Variants in BBS4 observed in about 807,000 individuals in gnomAD.
BBS4 encodes the protein BBSome complex member BBS4.
In BBS4, 58 loss-of-function variants were observed where a neutral mutation model predicts 71.4. The observed-to-expected ratio is 0.81, with a 90% CI of 0.66 to 1.01. BBS4 has a LOEUF of 1.01. Among genes scored for constraint, BBS4 ranks in the 50% least tolerant of loss-of-function variants. BBS4 has a pLI of 0.00. For synonymous variants in BBS4, 228 were observed against 216.8 expected (o/e 1.05, Z -0.46); for missense variants, 660 against 607.9 (o/e 1.09, Z -0.90).
intron 9 of BBS4, among the ~76,000 whole-genome samples, chr15:72,728,296 G>A (rs563199279): frequency 1.3e-5 from 2 of 152,174 alleles, no homozygotes; most frequent in East Asian, 3.9e-4. Flanking sequence ...TCAGGAGTTG[G>A]AGACCAGCCT....
chr15:72,715,485 A>G, intron 5 of BBS4, 83 bp downstream of exon 5: 1 of 929,370 alleles, frequency 1.1e-6, no homozygotes, highest in East Asian at 2.4e-5. Flanking sequence ...TGCTGCTGGC[A>G]GCTGCATCAG....
chr15:72,699,204 A>G (rs1265694826), intron 2 of BBS4, among the ~76,000 whole-genome samples: 2 of 151,180 alleles, frequency 1.3e-5, no homozygotes, highest in East Asian at 3.9e-4. Context: ...CTCTTGCCTC[A>G]GCTTCCCGTG....
chr15:72,712,200 A>G lies in BBS4; in HGVS notation c.157-44A>G, dbSNP rs140002975. 87 of 1,584,400 alleles carry G rather than the reference A, an allele frequency of 5.5e-5. 1 individual carries two copies. In the African/African-American group the frequency reaches 1.2e-3, roughly 21 times the overall value. The stretch of plus-strand genomic sequence containing the variant: ...TCCACTTTTTCTTAAAGACACCTGA[A>G]GAAACTTAACCACTGCTCAGAAGCA... On this transcript the variant is annotated intron_variant, in intron 3 of 15. Coordinates refer to ENST00000268057, the MANE Select transcript of BBS4 (RefSeq NM_033028.5).
At chr15:72,730,080 T>C (rs2065782166) in intron 10 of BBS4, among the ~76,000 whole-genome samples, 1 of 150,788 alleles carries the variant, frequency 6.6e-6, no homozygotes, top group South Asian at 2.1e-4. Flanking sequence ...ATCGAGACCA[T>C]CCTGGCTAAC....
At position 72,714,660 on chromosome 15, in the gene BBS4, A is replaced by G. The variant is rs185935333; in HGVS notation, c.221-631A>G. Among the ~76,000 whole-genome samples, 445 of 152,368 alleles carry G rather than the reference A, an allele frequency of 2.9e-3. 2 individuals carry two copies. Among genetic ancestry groups the G allele is most frequent in the Non-Finnish European group, 4.7e-3 (318 of 68,044 alleles). On this transcript the variant is annotated intron_variant, in intron 4 of 15. Transcript: ENST00000268057. ...GCATTTGTAGTCTTCAGATTAACAT[A>G]TAATTTTCTGACATAATTGTTAAGA...
rs368251961 is a variant in BBS4 at position 72,724,602 on chromosome 15, C to T, written c.534C>T (p.His178=). ...CTTATATAATGCTGGGGAAGATCCA[C>T]TTGCTGGAGGGAGACTTGGACAAGG... ...DLTYIMLGKI[H]LLEGDLDKAI... is the part of the protein sequence containing the mutation. Residue 178 remains histidine, a synonymous_variant, in exon 8 of 16, where the codon CAC becomes CAT. Transcript: ENST00000268057. The T allele has an allele frequency of 1.2e-6, 2 of 1,614,082 alleles. No homozygotes were observed. The highest frequency in any genetic ancestry group is 1.7e-6 in the Non-Finnish European group (2 of 1,179,980).
chr15:72,737,842 G>A lies in BBS4; in HGVS notation c.*255G>A, dbSNP rs1030509337. The A allele has an allele frequency of 6.1e-5, 31 of 508,420 alleles. No homozygotes were observed. The highest frequency in any genetic ancestry group is 1.1e-4 in the Non-Finnish European group (30 of 262,278). The allele number at this position is 508,420 out of a possible 1,614,324, so 31.5% of individuals were successfully genotyped here. On this transcript the variant is annotated 3_prime_UTR_variant, in exon 16 of 16. Coordinates refer to ENST00000268057, the MANE Select transcript of BBS4 (RefSeq NM_033028.5). Reference sequence around the variant, plus strand: ...AGTTCCTTTAAGAACTGGCAGCAAGGCTTGAGGCCTTATGTATGTAGCTGA... The same window carrying A: ...AGTTCCTTTAAGAACTGGCAGCAAGACTTGAGGCCTTATGTATGTAGCTGA...
chr15:72,702,368 A>T (rs913422062), intron 2 of BBS4, among the ~76,000 whole-genome samples: 9 of 152,144 alleles, frequency 5.9e-5, no homozygotes, highest in Non-Finnish European at 1.0e-4. Context: ...TAATGTGAGA[A>T]TGTTCTCTGA....
intron 2 of BBS4, among the ~76,000 whole-genome samples, chr15:72,703,830 AT>A (rs2065217832): frequency 6.6e-6 from 1 of 152,128 alleles, no homozygotes. Context: ...AACCATAATA[AT>A]TTTCTGCTTA....
At chr15:72,737,180 A>C (rs1033300331) in intron 15 of BBS4, 10 of 646,690 alleles carry the variant, frequency 1.5e-5, no homozygotes, top group African/African-American at 1.3e-4. Context: ...ACTTAGTTGG[A>C]TGGTCTATAC....
intron 1 of BBS4, among the ~76,000 whole-genome samples, chr15:72,693,284 C>T (rs1330061016): frequency 2.6e-5 from 4 of 152,094 alleles, no homozygotes; most frequent in Admixed American, 1.3e-4. Context: ...TTGCTTATTC[C>T]ACTCCTTTGT....
intron 2 of BBS4, among the ~76,000 whole-genome samples, chr15:72,699,696 TATA>T (rs1193927162): frequency 6.6e-6 from 1 of 152,234 alleles, no homozygotes; most frequent in African/African-American, 2.4e-5. Flanking sequence ...TGAACTTTCC[TATA>T]ATAAGTTGTG....
chr15:72,713,345 A>ACACACACACACG (rs1012999091), intron 4 of BBS4, among the ~76,000 whole-genome samples: 7 of 118,502 alleles, frequency 5.9e-5, no homozygotes, highest in African/African-American at 1.6e-4. Context: ...ACACACACAC[A>ACACACACACACG]CACACGCACA....
intron 2 of BBS4, chr15:72,698,063 G>C (rs2065108148): frequency 8.8e-6 from 4 of 455,582 alleles, no homozygotes; most frequent in African/African-American, 6.0e-5. Flanking sequence ...TACTGCTTGA[G>C]TCTATTTTCT....
intron 12 of BBS4, 26 bp downstream of exon 12, chr15:72,731,752 C>G: frequency 6.2e-7 from 1 of 1,613,458 alleles, no homozygotes; most frequent in Non-Finnish European, 8.5e-7. Context: ...GTGGAAAACT[C>G]TCTCTGCCAT....
At chr15:72,691,717 G>C (rs1412263571) in intron 1 of BBS4, among the ~76,000 whole-genome samples, 1 of 152,142 alleles carries the variant, frequency 6.6e-6, no homozygotes, top group African/African-American at 2.4e-5. Flanking sequence ...TGTAATCCTA[G>C]CACTTTGGGA....
intron 2 of BBS4, among the ~76,000 whole-genome samples, chr15:72,697,734 T>G (rs2065100693): frequency 6.6e-6 from 1 of 152,136 alleles, no homozygotes; most frequent in Non-Finnish European, 1.5e-5. Context: ...ATGTTGTGCC[T>G]CTCCCTCACT....
intron 15 of BBS4, 79 bp from the exon 16 acceptor site, chr15:72,737,399 T>A: frequency 1.6e-6 from 2 of 1,287,676 alleles, no homozygotes; most frequent in Non-Finnish European, 2.2e-6. Flanking sequence ...GGGTTTCCTC[T>A]TGAACTCTAA....
rs1330353145 is a variant in BBS4 at position 72,686,208 on chromosome 15, CA to C, written c.-19del. On this transcript the variant is annotated 5_prime_UTR_variant, in exon 1 of 16. Coordinates refer to ENST00000268057, the MANE Select transcript of BBS4 (RefSeq NM_033028.5). ...GGGAAACCGCCGACTTCCGGCCGCG[CA>C]GCGGTGGGCTGAGCTAAAATGGCTG... 1 of 1,557,056 alleles carries C rather than the reference CA, an allele frequency of 6.4e-7. No individual in the cohort carries two copies. The highest frequency in any genetic ancestry group is 8.7e-7 in the Non-Finnish European group (1 of 1,151,574).
Sources: gnomAD v4.1 joint callset for allele counts (sites outside exome capture counted in the v4.1 genomes callset) on GRCh38, gnomAD v4.1.1 for gene constraint, MANE v1.5 for transcripts, NCBI Gene and HGNC (gene_info 2026-07-23, HGNC 2026-07-21) for gene names.